REM1: variants seen among roughly 807,000 people sequenced by gnomAD.
REM1 encodes RRAD and GEM like GTPase 1, also known as GTP-binding protein REM 1.
A neutral mutation model predicts 27.0 loss-of-function variants in REM1; 20 were observed. That is an observed-to-expected ratio of 0.74 (90% CI 0.52 to 1.08). The LOEUF is 1.08. REM1 is among the 50% of genes least tolerant of loss of function. The pLI is 0.00. For synonymous variants in REM1, 159 were observed against 167.9 expected (o/e 0.95, Z 0.41); for missense variants, 405 against 407.0 (o/e 1.00, Z 0.04).
At chr20:31,482,197 C>T in intron 3 of REM1, 90 bp from the exon 4 acceptor site, 1 of 1,183,798 alleles carries the variant, frequency 8.4e-7, no homozygotes, top group Non-Finnish European at 1.2e-6. Context: ...CCTCAAGCTG[C>T]ATCCCACCCA....
At chr20:31,482,618 C>A in intron 4 of REM1, 130 bp downstream of exon 4, 7 of 883,444 alleles carry the variant, frequency 7.9e-6, no homozygotes, top group Non-Finnish European at 1.2e-5. Context: ...CCTAAGCCTG[C>A]AAGCTGGGAA....
At chr20:31,476,163 G>T in intron 1 of REM1, 64 bp from the exon 2 acceptor site, 1 of 435,538 alleles carries the variant, frequency 2.3e-6, no homozygotes, top group Non-Finnish European at 4.1e-6. Context: ...CAAGGGAATG[G>T]CCTCTGGGTG....
intron 4 of REM1, among the ~76,000 whole-genome samples, chr20:31,483,327 C>T (rs755564953): frequency 3.9e-4 from 59 of 152,118 alleles, no homozygotes; most frequent in Non-Finnish European, 7.4e-4. Flanking sequence ...CTCTATGGCT[C>T]CCCTAGCCCC....
chr20:31,477,124 C>A (rs1568761380), intron 2 of REM1, among the ~76,000 whole-genome samples: 1 of 152,122 alleles, frequency 6.6e-6, no homozygotes, highest in Non-Finnish European at 1.5e-5. Context: ...GTCAGAAACT[C>A]CCCTCCCTGA....
At chr20:31,479,841 G>T (rs141042688) in intron 3 of REM1, among the ~76,000 whole-genome samples, 3 of 152,210 alleles carry the variant, frequency 2.0e-5, no homozygotes, top group South Asian at 4.1e-4. Context: ...TGTAATCCCA[G>T]CATTTTGGGA....
Position 31,484,793 on chromosome 20 carries a change from C to T in REM1, c.*363C>T. On this transcript the variant is annotated 3_prime_UTR_variant, in exon 5 of 5. Coordinates refer to ENST00000201979, the MANE Select transcript of REM1 (RefSeq NM_014012.6). ...CCCAGACCTCTCCATCTCGGCTCTTCCAGGCGTCTCCACCTACTGCCCTCC... is the reference window on the plus strand; with the variant it reads ...CCCAGACCTCTCCATCTCGGCTCTTTCAGGCGTCTCCACCTACTGCCCTCC... The T allele has an allele frequency of 8.9e-6, 2 of 223,908 alleles. No homozygotes were observed. Among genetic ancestry groups the T allele is most frequent in the South Asian group, 1.5e-4 (1 of 6,708 alleles). 13.9% of individuals were successfully genotyped at this position (223,908 alleles called of 1,614,324 possible).
At chr20:31,484,053 G>A in intron 4 of REM1, 106 bp from the exon 5 acceptor site, 1 of 1,283,852 alleles carries the variant, frequency 7.8e-7, no homozygotes, top group South Asian at 1.6e-5. Flanking sequence ...CCAGGCATGA[G>A]CACAGGAAAA....
rs1200295413 is a variant in REM1, at chr20:31,482,305, G to T, written c.442G>T (p.Glu148Ter). 1 of 1,614,146 alleles carries T rather than the reference G, an allele frequency of 6.2e-7. No individual in the cohort carries two copies. The highest frequency in any genetic ancestry group is 1.7e-5 in the Admixed American group (1 of 60,030). Residue 148 changes from glutamate (E) to a stop codon, truncating the protein, a stop_gained, in exon 4 of 5, where the codon GAG becomes TAG. Coordinates refer to ENST00000201979, the MANE Select transcript of REM1 (RefSeq NM_014012.6). LOFTEE classifies it high-confidence loss of function. The stretch of plus-strand genomic sequence containing the variant: ...CCTGCAGGATAAAAGCTGGAGCCAG[G>T]AGTCATGCCTGCAGGGGGGCAGTGC... ...AEKLDKSWSQ[E>*]SCLQGGSAYV... is the part of the protein sequence containing the mutation.
Position 31,484,552 on chromosome 20 carries a change from C to T in REM1, c.*122C>T. The T allele has an allele frequency of 8.2e-7, 1 of 1,212,678 alleles. No homozygotes were observed. The highest frequency in any genetic ancestry group is 1.1e-6 in the Non-Finnish European group (1 of 913,954). 75.1% of individuals were successfully genotyped at this position (1,212,678 alleles called of 1,614,324 possible). A position where few individuals can be genotyped will look rare whatever the true frequency, so the allele number is the denominator to read the frequency against. Reference sequence around the variant, plus strand: ...CATCATGGGTCTTGCTTGCCTGCTGCCCTGATGGCCTGAGCATCCCCCAGA... The same window carrying T: ...CATCATGGGTCTTGCTTGCCTGCTGTCCTGATGGCCTGAGCATCCCCCAGA... On this transcript the variant is annotated 3_prime_UTR_variant, in exon 5 of 5. Coordinates refer to ENST00000201979, the MANE Select transcript of REM1 (RefSeq NM_014012.6).
chr20:31,476,728 A>G lies in REM1; in HGVS notation c.283A>G (p.Ser95Gly), dbSNP rs1980522629. ...TGGAGATCCTGGAGTGGGGAAGACC[A>G]GCTTGGCCAGCCTCTTTGCAGGGAA... The part of the protein sequence containing the change: ...LLGDPGVGKT[S>G]LASLFAGKQE... Residue 95 changes from serine to glycine, a missense_variant, in exon 2 of 5, where the codon AGC becomes GGC. Transcript: ENST00000201979. 6.2e-7 allele frequency: 1 copy of G among 1,613,966 alleles called. No individual in the cohort carries two copies. The highest frequency in any genetic ancestry group is 8.5e-7 in the Non-Finnish European group (1 of 1,179,946).
At chr20:31,482,184 A>G (rs919664925) in intron 3 of REM1, 103 bp from the exon 4 acceptor site, 2 of 1,031,330 alleles carry the variant, frequency 1.9e-6, no homozygotes, top group Non-Finnish European at 2.9e-6. Flanking sequence ...TCCAAACTAT[A>G]AACCTCAAGC....
Position 31,476,629 on chromosome 20 carries a change from G to C in REM1, c.184G>C (p.Ala62Pro). The change falls in exon 2 of 5, where the codon GCC becomes CCC. Residue 62 changes from alanine to proline, a missense_variant. Ala to Pro is a conservative substitution (Grantham distance 27, BLOSUM62 -1). Transcript: ENST00000201979. ...LNPPTQKPSP[A>P]PDDWSSESSD... Reference sequence around the variant, plus strand: ...CCCTCCCACCCAGAAACCTTCACCTGCCCCAGATGATTGGTCTTCTGAATC... The same window carrying C: ...CCCTCCCACCCAGAAACCTTCACCTCCCCCAGATGATTGGTCTTCTGAATC... 1 of 1,614,084 alleles carries C rather than the reference G, an allele frequency of 6.2e-7. No homozygotes were observed. Among genetic ancestry groups the C allele is most frequent in the Non-Finnish European group, 8.5e-7 (1 of 1,180,008 alleles).
rs1170668711 is a variant in REM1 at position 31,484,265 on chromosome 20, C to T, written c.732C>T (p.Arg244=). 1.9e-6 allele frequency: 3 copies of T among 1,598,244 alleles called. No homozygotes were observed. Among genetic ancestry groups the T allele is most frequent in the Non-Finnish European group, 1.7e-6 (2 of 1,173,678 alleles). Residue 244 remains arginine, a synonymous_variant, in exon 5 of 5, where the codon CGC becomes CGT. Transcript: ENST00000201979. ...TCGAGGGCGTGGTGCGCCAACTGCG[C>T]TTGCGCCGCCGGGACAGTGCGGCCA... is the stretch of plus-strand genomic sequence containing the variant. The part of the protein sequence containing the change: ...ELFEGVVRQL[R]LRRRDSAAKE...
chr20:31,484,178 G>C lies in REM1; in HGVS notation c.645G>C (p.Val215=), dbSNP rs1366571580. 1 of 1,600,596 alleles carries C rather than the reference G, an allele frequency of 6.2e-7. No individual in the cohort carries two copies. The highest frequency in any genetic ancestry group is 8.5e-7 in the Non-Finnish European group (1 of 1,172,798). Residue 215 remains valine, a synonymous_variant, in exon 5 of 5, where the codon GTG becomes GTC. Transcript: ENST00000201979. ...VSVEEGRACA[V]VFDCKFIETS... is the part of the protein sequence containing the mutation. ...CCTTAGAGGGCCGCGCCTGCGCTGT[G>C]GTGTTCGACTGTAAATTCATCGAGA...
chr20:31,477,134 ACTC>A (rs964558459), intron 2 of REM1, among the ~76,000 whole-genome samples: 4 of 151,646 alleles, frequency 2.6e-5, no homozygotes, highest in African/African-American at 7.3e-5. Context: ...CCCCTCCCTG[ACTC>A]CTCTGACTCT....
intron 3 of REM1, among the ~76,000 whole-genome samples, chr20:31,478,834 C>CTTTTTT (rs1243905937): frequency 7.4e-6 from 1 of 135,300 alleles, no homozygotes; most frequent in East Asian, 2.1e-4. Context: ...AGATCTTATT[C>CTTTTTT]TTTTTTTTTT....
Position 31,476,592 on chromosome 20 carries a change from A to G in REM1, c.147A>G (p.Ser49=). The G allele has an allele frequency of 1.2e-6, 2 of 1,613,924 alleles. No individual in the cohort carries two copies. Among genetic ancestry groups the G allele is most frequent in the Non-Finnish European group, 1.7e-6 (2 of 1,179,934 alleles). Residue 49 remains serine (S), a synonymous_variant, in exon 2 of 5, where the codon TCA becomes TCG. Coordinates refer to ENST00000201979, the MANE Select transcript of REM1 (RefSeq NM_014012.6). ...TQSQHPRLGQ[S]ASLNPPTQKP... ...CCCAGCATCCCCGGCTGGGCCAATC[A>G]GCCTCCCTCAACCCTCCCACCCAGA...
rs1286895121 is a variant in REM1, at chr20:31,484,358, G to A, written c.825G>A (p.Leu275=). Residue 275 remains leucine (L), a synonymous_variant, in exon 5 of 5, where the codon CTG becomes CTA. Transcript: ENST00000201979. ...AQRARRFLAR[L]TARSARRRAL... is the part of the protein sequence containing the mutation. ...GCGCTCGTCGCTTCCTGGCACGCCT[G>A]ACAGCCCGCAGCGCACGCCGCCGGG... is the stretch of plus-strand genomic sequence containing the variant. 17 of 1,560,110 alleles carry A rather than the reference G, an allele frequency of 1.1e-5. No homozygotes were observed. The highest frequency in any genetic ancestry group is 2.0e-4 in the Middle Eastern group (1 of 5,028).
chr20:31,484,018 T>G, intron 4 of REM1, 141 bp from the exon 5 acceptor site: 2 of 955,170 alleles, frequency 2.1e-6, no homozygotes, highest in South Asian at 1.9e-5. Flanking sequence ...CCAGTCTGAT[T>G]TATCTGAGTC....
Sources: gnomAD v4.1 joint callset for allele counts (sites outside exome capture counted in the v4.1 genomes callset) on GRCh38, gnomAD v4.1.1 for gene constraint, MANE v1.5 for transcripts, NCBI Gene and HGNC (gene_info 2026-07-23, HGNC 2026-07-21) for gene names.